Variants in ADGRG7 observed in about 807,000 individuals in gnomAD.
The protein encoded by ADGRG7 is G-protein coupled receptor 128.
A neutral mutation model predicts 88.6 loss-of-function variants in ADGRG7; 82 were observed. The observed-to-expected ratio is 0.93, with a 90% CI of 0.77 to 1.11. ADGRG7 has a LOEUF of 1.11. Among genes scored for constraint, ADGRG7 ranks in the 50% most tolerant of loss-of-function variants. The probability of loss-of-function intolerance (pLI) is 0.00; values close to 1 mark genes in which losing one functional copy is unlikely to be tolerated. For synonymous variants in ADGRG7, 381 were observed against 345.2 expected (o/e 1.10, Z -1.15); for missense variants, 945 against 953.4 (o/e 0.99, Z 0.12).
At chr3:100,618,112 T>A (rs1707251943) in intron 1 of ADGRG7, among the ~76,000 whole-genome samples, 4 of 152,118 alleles carry the variant, frequency 2.6e-5, no homozygotes, top group South Asian at 4.1e-4. Flanking sequence ...GATTCTGGAT[T>A]TTAGCCCTTT....
rs78961745 is a variant in ADGRG7 at position 100,630,376 on chromosome 3, C to T, written c.230-329C>T. On this transcript the variant is annotated intron_variant, in intron 2 of 15. Coordinates refer to ENST00000273352, the MANE Select transcript of ADGRG7 (RefSeq NM_032787.3). ...TGCCTTTTTGCTTTGCCCACATCCT[C>T]ATGGTACCGTTGACCACTATAGGCT... Among the ~76,000 whole-genome samples the T allele has an allele frequency of 2.2e-3, 336 of 152,304 alleles. 1 individual carries two copies. The highest frequency in any genetic ancestry group is 0.017 in the Middle Eastern group (5 of 294).
chr3:100,666,232 T>G (rs946765895), intron 14 of ADGRG7, among the ~76,000 whole-genome samples: 2 of 152,122 alleles, frequency 1.3e-5, no homozygotes, highest in African/African-American at 4.8e-5. Context: ...AGACAAAGTA[T>G]AGAGAAAGAA....
intron 15 of ADGRG7, among the ~76,000 whole-genome samples, chr3:100,687,999 T>C (rs190670621): frequency 0.01 from 1,548 of 152,236 alleles, 25 homozygotes; most frequent in African/African-American, 0.036. Flanking sequence ...TGTGAATCCA[T>C]CTGGTACTGG....
chr3:100,633,443 C>T, intron 4 of ADGRG7, 66 bp downstream of exon 4: 1 of 801,254 alleles, frequency 1.2e-6, no homozygotes, highest in East Asian at 2.8e-5. Flanking sequence ...TTCTGTTCTT[C>T]AGATACCTGA....
chr3:100,626,985 AC>A (rs1392179474), intron 1 of ADGRG7, among the ~76,000 whole-genome samples: 1 of 152,178 alleles, frequency 6.6e-6, no homozygotes, highest in East Asian at 1.9e-4. Context: ...AATTATAGTA[AC>A]TTTTTGGAGA....
intron 1 of ADGRG7, among the ~76,000 whole-genome samples, chr3:100,611,531 A>G (rs1707155243): frequency 6.6e-6 from 1 of 152,194 alleles, no homozygotes; most frequent in Admixed American, 6.5e-5. Context: ...TGCTGAAAAT[A>G]AATACAAAAT....
intron 15 of ADGRG7, among the ~76,000 whole-genome samples, chr3:100,690,106 C>T (rs1295861127): frequency 3.3e-5 from 5 of 152,182 alleles, no homozygotes; most frequent in South Asian, 4.1e-4. Flanking sequence ...CTTCCCGTCT[C>T]GCTTCATTTC....
intron 8 of ADGRG7, 140 bp from the exon 9 acceptor site, chr3:100,645,805 A>G (rs968652909): frequency 4.8e-5 from 34 of 706,526 alleles, no homozygotes; most frequent in Non-Finnish European, 7.2e-5. Flanking sequence ...GCAATTAAGT[A>G]AAGGTTCAAC....
At position 100,682,356 on chromosome 3, in the gene ADGRG7, C is replaced by T. The variant is rs79424945; in HGVS notation, c.2137-12388C>T. ...GGCCCGAGATGTAGAGCTGGGGTCA[C>T]GCTTCAGGGGACCGGGGTGGGAAGT... On this transcript the variant is annotated intron_variant, in intron 15 of 15. Coordinates refer to ENST00000273352, the MANE Select transcript of ADGRG7 (RefSeq NM_032787.3). 6.7e-3 allele frequency among the ~76,000 whole-genome samples: 1,021 copies of T among 152,302 alleles called. 15 individuals carry two copies. Among genetic ancestry groups the T allele is most frequent in the African/African-American group, 0.023 (972 of 41,568 alleles).
At chr3:100,684,370 C>A (rs1289312354) in intron 15 of ADGRG7, among the ~76,000 whole-genome samples, 3 of 151,756 alleles carry the variant, frequency 2.0e-5, no homozygotes, top group Non-Finnish European at 2.9e-5. Flanking sequence ...CTCAATTGAT[C>A]CCCCCACCTC....
At chr3:100,684,374 C>A (rs1446774553) in intron 15 of ADGRG7, among the ~76,000 whole-genome samples, 1 of 151,934 alleles carries the variant, frequency 6.6e-6, no homozygotes, top group Non-Finnish European at 1.5e-5. Context: ...ATTGATCCCC[C>A]CACCTCAACC....
rs907304745 is a variant in ADGRG7 at position 100,653,716 on chromosome 3, T to C, written c.1380-1119T>C. 2.6e-5 allele frequency among the ~76,000 whole-genome samples: 4 copies of C among 152,308 alleles called. No individual in the cohort carries two copies. The South Asian group carries it at 6.2e-4, about 24-fold the overall frequency. On this transcript the variant is annotated intron_variant, in intron 11 of 15. Coordinates refer to ENST00000273352, the MANE Select transcript of ADGRG7 (RefSeq NM_032787.3). ...TCAGATGGCGGCTGGGCCAGAGTCA[T>C]CTGGAGGTTCACCTAGGATGCTGGG...
intron 4 of ADGRG7, among the ~76,000 whole-genome samples, chr3:100,635,000 GACAC>G (rs142620077): frequency 1.1e-3 from 165 of 146,776 alleles, no homozygotes; most frequent in African/African-American, 1.6e-3. Flanking sequence ...TGAAAACCAA[GACAC>G]ACACACACAC....
At chr3:100,622,302 T>C (rs1707324891) in intron 1 of ADGRG7, among the ~76,000 whole-genome samples, 1 of 147,182 alleles carries the variant, frequency 6.8e-6, no homozygotes, top group African/African-American at 2.5e-5. Context: ...GGTTGTCCAG[T>C]TGTTTCCGCA....
chr3:100,674,075 G>GT (rs1412139604), intron 15 of ADGRG7, among the ~76,000 whole-genome samples: 2 of 152,128 alleles, frequency 1.3e-5, no homozygotes, highest in African/African-American at 4.8e-5. Flanking sequence ...AAAGATTTGG[G>GT]TACATTGTGT....
intron 1 of ADGRG7, among the ~76,000 whole-genome samples, chr3:100,628,447 C>T (rs1255750658): frequency 1.3e-5 from 2 of 151,980 alleles, no homozygotes; most frequent in African/African-American, 2.4e-5. Flanking sequence ...CAACCTCCGC[C>T]TCCCAGGTTC....
chr3:100,686,175 T>G (rs1232697992), intron 15 of ADGRG7, among the ~76,000 whole-genome samples: 5 of 151,952 alleles, frequency 3.3e-5, no homozygotes, highest in Non-Finnish European at 7.4e-5. Flanking sequence ...AATGTCTTCT[T>G]TTGAGAAGTG....
In ADGRG7 at chr3:100,688,141, C is replaced by G. The variant is rs1296001944; in HGVS notation, c.2137-6603C>G. On this transcript the variant is annotated intron_variant, in intron 15 of 15. Transcript: ENST00000273352. ...GTGTCGAGGAATTTATCCATTTCTTCTAGATTTTCTAGTTTATTTGCATAG... is the reference window on the plus strand; with the variant it reads ...GTGTCGAGGAATTTATCCATTTCTTGTAGATTTTCTAGTTTATTTGCATAG... 3.0e-4 allele frequency among the ~76,000 whole-genome samples: 46 copies of G among 152,292 alleles called. No individual in the cohort carries two copies. The East Asian group carries it at 7.1e-3, about 24-fold the overall frequency.
chr3:100,689,823 C>A (rs982016135), intron 15 of ADGRG7, among the ~76,000 whole-genome samples: 13 of 152,108 alleles, frequency 8.5e-5, no homozygotes, highest in African/African-American at 2.7e-4. Context: ...TCCTTCATTT[C>A]GACTTTGGTG....
Sources: gnomAD v4.1 joint callset for allele counts (sites outside exome capture counted in the v4.1 genomes callset) on GRCh38, gnomAD v4.1.1 for gene constraint, MANE v1.5 for transcripts, NCBI Gene and HGNC (gene_info 2026-07-23, HGNC 2026-07-21) for gene names.